Variants in NRG3 observed in about 807,000 individuals in gnomAD.
NRG3 encodes neuregulin 3.
NRG3 carries 31 observed loss-of-function variants against 66.9 expected under a neutral mutation model. The observed-to-expected ratio is 0.46, with a 90% CI of 0.35 to 0.63. The LOEUF is 0.63. Ranked by LOEUF, NRG3 falls within the 20% of genes least tolerant of loss-of-function variation. The pLI is 0.00. For synonymous variants in NRG3, 393 were observed against 359.4 expected, an observed-to-expected ratio of 1.09 and a Z score of -1.06; for missense variants, 910 against 878.9, an observed-to-expected ratio of 1.04 and a Z score of -0.45.
chr10:82,882,412 G>A (rs524577), intron 4 of NRG3, among the ~76,000 whole-genome samples: 13,158 of 152,074 alleles, frequency 0.087, 777 homozygotes, highest in African/African-American at 0.16. Flanking sequence ...TTTTCTTGAC[G>A]GTAGATGTGT....
chr10:82,415,866 G>A (rs1001585544), intron 2 of NRG3, among the ~76,000 whole-genome samples: 1 of 152,072 alleles, frequency 6.6e-6, no homozygotes, highest in Admixed American at 6.6e-5. Flanking sequence ...AAGATGTTCA[G>A]GTAATTTGTG....
At chr10:82,469,565 A>T (rs531070715) in intron 2 of NRG3, among the ~76,000 whole-genome samples, 1 of 152,180 alleles carries the variant, frequency 6.6e-6, no homozygotes, top group Non-Finnish European at 1.5e-5. Flanking sequence ...TCAGGGAGTG[A>T]TCATGGCTAG....
intron 3 of NRG3, among the ~76,000 whole-genome samples, chr10:82,800,013 A>G (rs1223309449): frequency 6.6e-6 from 1 of 152,128 alleles, no homozygotes; most frequent in Non-Finnish European, 1.5e-5. Context: ...CATGTTGGCC[A>G]TGTCTGGATA....
At chr10:82,814,931 C>T (rs2061642308) in intron 3 of NRG3, among the ~76,000 whole-genome samples, 1 of 152,090 alleles carries the variant, frequency 6.6e-6, no homozygotes, top group African/African-American at 2.4e-5. Flanking sequence ...AAGGAAAGTG[C>T]AGTACAGAAA....
intron 2 of NRG3, among the ~76,000 whole-genome samples, chr10:82,376,802 C>T (rs895619090): frequency 6.6e-5 from 10 of 152,178 alleles, no homozygotes; most frequent in Non-Finnish European, 1.2e-4. Flanking sequence ...CCTTCTCATC[C>T]TCACTCTTTT....
At position 82,334,023 on chromosome 10, in the gene NRG3, A is replaced by G. The variant is rs139302855; in HGVS notation, c.824-24716A>G. On this transcript the variant is annotated intron_variant, in intron 1 of 8. Transcript: ENST00000372141. ...AAACCCCGTCTCTACTAAAATAATT[A>G]GCTGGGCCTGGTGGCGGGCGCCTGT... Among the ~76,000 whole-genome samples, 504 of 151,734 alleles carry G rather than the reference A, an allele frequency of 3.3e-3. 2 individuals carry two copies. The highest frequency in any genetic ancestry group is 0.01 in the Middle Eastern group (3 of 290).
chr10:82,490,622 G>A (rs907728874), intron 2 of NRG3, among the ~76,000 whole-genome samples: 2 of 151,982 alleles, frequency 1.3e-5, no homozygotes, highest in African/African-American at 4.8e-5. Context: ...TATAGCTTCA[G>A]CTGAGACCTG....
At chr10:82,129,998 C>A (rs2068707081) in intron 1 of NRG3, among the ~76,000 whole-genome samples, 1 of 151,946 alleles carries the variant, frequency 6.6e-6, no homozygotes, top group South Asian at 2.1e-4. Flanking sequence ...GCCCATTAAC[C>A]ATCACTACCC....
intron 2 of NRG3, among the ~76,000 whole-genome samples, chr10:82,606,767 G>A (rs937896055): frequency 1.1e-4 from 17 of 152,020 alleles, no homozygotes; most frequent in African/African-American, 3.9e-4. Flanking sequence ...CTCTGACACC[G>A]AACATTTTTA....
At chr10:82,318,571 A>G (rs1412694712) in intron 1 of NRG3, among the ~76,000 whole-genome samples, 2 of 152,146 alleles carry the variant, frequency 1.3e-5, no homozygotes, top group Non-Finnish European at 2.9e-5. Flanking sequence ...GGCCATAGTG[A>G]CTGTCTCGTG....
intron 1 of NRG3, among the ~76,000 whole-genome samples, chr10:81,981,020 A>T (rs993663399): frequency 6.6e-6 from 1 of 152,204 alleles, no homozygotes; most frequent in African/African-American, 2.4e-5. Flanking sequence ...GCTTCAATGT[A>T]TGCATGAAGG....
chr10:82,486,314 C>T lies in NRG3; in HGVS notation c.953+127446C>T, dbSNP rs1842672022. ...GTTTTTCAAAGAGATATTTGTACTC[C>T]CATATTCAATGAAGCATTATTCATA... On this transcript the variant is annotated intron_variant, in intron 2 of 8. Transcript: ENST00000372141. Among the ~76,000 whole-genome samples, 3 of 152,106 alleles carry T rather than the reference C, an allele frequency of 2.0e-5. No individual in the cohort carries two copies. In the South Asian group the frequency reaches 6.2e-4, roughly 31 times the overall value.
At chr10:82,067,401 T>C (rs2064542199) in intron 1 of NRG3, among the ~76,000 whole-genome samples, 1 of 152,184 alleles carries the variant, frequency 6.6e-6, no homozygotes, top group Admixed American at 6.5e-5. Flanking sequence ...CCTTGCTCTA[T>C]CCCCCAGGCG....
At chr10:82,102,145 T>TATATGTGTGTATTC (rs1564564734) in intron 1 of NRG3, among the ~76,000 whole-genome samples, 8 of 84,952 alleles carry the variant, frequency 9.4e-5, no homozygotes, top group East Asian at 2.7e-4. Flanking sequence ...TATATATATA[T>TATATGTGTGTATTC]ATATATATAT....
At chr10:82,958,822 C>T in intron 5 of NRG3, 127 bp from the exon 6 acceptor site, 1 of 1,128,766 alleles carries the variant, frequency 8.9e-7, no homozygotes, top group Non-Finnish European at 1.2e-6. Context: ...GAAGGGTTCT[C>T]TTCGTTAGCT....
intron 2 of NRG3, among the ~76,000 whole-genome samples, chr10:82,536,956 A>G (rs1847871844): frequency 6.6e-6 from 1 of 151,880 alleles, no homozygotes; most frequent in East Asian, 1.9e-4. Context: ...TATTCTGACC[A>G]AAAAAGATAA....
At chr10:82,381,606 A>G (rs777570771) in intron 2 of NRG3, among the ~76,000 whole-genome samples, 7 of 152,174 alleles carry the variant, frequency 4.6e-5, no homozygotes, top group Non-Finnish European at 8.8e-5. Context: ...ATATCTAGGT[A>G]ACTTTGTAGT....
At chr10:82,491,315 T>A (rs910452335) in intron 2 of NRG3, among the ~76,000 whole-genome samples, 14 of 119,978 alleles carry the variant, frequency 1.2e-4, no homozygotes, top group African/African-American at 2.3e-4. Context: ...TATATATATA[T>A]AAAATAAAGA....
intron 1 of NRG3, among the ~76,000 whole-genome samples, chr10:82,202,434 T>C (rs1020366775): frequency 6.6e-6 from 1 of 152,112 alleles, no homozygotes; most frequent in African/African-American, 2.4e-5. Flanking sequence ...GCAAAAAAAA[T>C]CCAAAGTCCA....
Sources: allele counts gnomAD v4.1 joint callset (sites outside exome capture counted in the v4.1 genomes callset), GRCh38; gene constraint gnomAD v4.1.1; transcripts MANE v1.5; gene names NCBI Gene and HGNC (gene_info 2026-07-23, HGNC 2026-07-21).